GAB2: variants seen among roughly 807,000 people sequenced by gnomAD.
The protein encoded by GAB2 is GRB2-associated-binding protein 2.
A neutral mutation model predicts 65.5 loss-of-function variants in GAB2; 26 were observed. The observed-to-expected ratio is 0.40, with a 90% CI of 0.29 to 0.55. The LOEUF (loss-of-function observed/expected upper bound fraction) is 0.55, where lower values mean the gene tolerates loss of function less well. Among genes scored for constraint, GAB2 ranks in the 20% least tolerant of loss-of-function variants. GAB2 has a pLI of 0.53. For missense variants in GAB2, 884 were observed against 875.8 expected (o/e 1.01, Z -0.12); for synonymous variants, 321 against 329.6 (o/e 0.97, Z 0.28).
At chr11:78,316,330 A>G (rs1189674941) in intron 1 of GAB2, among the ~76,000 whole-genome samples, 2 of 152,178 alleles carry the variant, frequency 1.3e-5, no homozygotes, top group Admixed American at 6.5e-5. Context: ...ATATTATGAA[A>G]TATGTATAAA....
intron 1 of GAB2, among the ~76,000 whole-genome samples, chr11:78,350,257 A>G (rs1307855038): frequency 6.6e-6 from 1 of 152,226 alleles, no homozygotes; most frequent in Non-Finnish European, 1.5e-5. Flanking sequence ...ACTAGGCTCT[A>G]GCGGGTAGCT....
At chr11:78,409,789 G>A (rs765692825) in intron 1 of GAB2, among the ~76,000 whole-genome samples, 19 of 152,018 alleles carry the variant, frequency 1.2e-4, no homozygotes, top group Admixed American at 7.2e-4. Context: ...GACATTTATG[G>A]AATACTTTAC....
intron 1 of GAB2, among the ~76,000 whole-genome samples, chr11:78,358,119 A>C (rs1856384183): frequency 6.6e-6 from 1 of 152,094 alleles, no homozygotes; most frequent in Non-Finnish European, 1.5e-5. Context: ...GCAGCCATAA[A>C]AAAGGATGAG....
chr11:78,416,857 C>T (rs1029050013), intron 1 of GAB2, among the ~76,000 whole-genome samples: 4 of 151,948 alleles, frequency 2.6e-5, no homozygotes, highest in African/African-American at 7.2e-5. Flanking sequence ...GCCAGTTCCC[C>T]ACCTAGAGGG....
rs758411932 is a variant in GAB2 at position 78,417,770 on chromosome 11, T to C, written c.-50A>G. ...GGGTCGCGCGGACGAGGGCGCGGGC[T>C]CGGGCAGCTGGGGCAGCGGCCGGCG... is the stretch of plus-strand genomic sequence containing the variant. On this transcript the variant is annotated 5_prime_UTR_variant, in exon 1 of 10. Transcript: ENST00000361507. 9 of 1,035,820 alleles carry C rather than the reference T, an allele frequency of 8.7e-6. No homozygotes were observed. In the South Asian group the frequency reaches 3.2e-4, roughly 37 times the overall value. 64.2% of individuals were successfully genotyped at this position (1,035,820 alleles called of 1,614,324 possible).
chr11:78,325,937 A>G (rs1469653078), intron 1 of GAB2, among the ~76,000 whole-genome samples: 2 of 152,236 alleles, frequency 1.3e-5, no homozygotes, highest in Non-Finnish European at 2.9e-5. Context: ...TTTTAACAAT[A>G]TGGCTCAAGA....
chr11:78,224,854 C>G (rs772340776), intron 5 of GAB2, among the ~76,000 whole-genome samples: 1 of 152,090 alleles, frequency 6.6e-6, no homozygotes, highest in Non-Finnish European at 1.5e-5. Flanking sequence ...CATTCTAGAT[C>G]CTCTGCTTAC....
chr11:78,409,097 T>C (rs1256938406), intron 1 of GAB2, among the ~76,000 whole-genome samples: 1 of 152,014 alleles, frequency 6.6e-6, no homozygotes, highest in East Asian at 1.9e-4. Flanking sequence ...TGAATATCAA[T>C]AAAAGGAAAG....
rs542100466 is a variant in GAB2, at chr11:78,216,557, C to T, written c.*2715G>A. The T allele has an allele frequency of 3.9e-5, 6 of 152,220 alleles. No homozygotes were observed. Among genetic ancestry groups the T allele is most frequent in the Admixed American group, 2.6e-4 (4 of 15,298 alleles). The allele number at this position is 152,220 out of a possible 1,614,324, so 9.4% of individuals were successfully genotyped here. ...CCATCTCTACCCCTACACTTGCACC[C>T]GAGGGATTTTGGTAGTTACCAGAAT... On this transcript the variant is annotated 3_prime_UTR_variant, in exon 10 of 10. Coordinates refer to ENST00000361507, the MANE Select transcript of GAB2 (RefSeq NM_080491.3).
intron 2 of GAB2, among the ~76,000 whole-genome samples, chr11:78,260,307 T>A (rs780750802): frequency 1.3e-5 from 2 of 152,142 alleles, no homozygotes; most frequent in African/African-American, 4.8e-5. Context: ...TTAGCAGAAA[T>A]TGATTCTGTG....
intron 1 of GAB2, among the ~76,000 whole-genome samples, chr11:78,292,522 C>G (rs1866709647): frequency 6.6e-6 from 1 of 152,190 alleles, no homozygotes. Flanking sequence ...CTAGCTCAAA[C>G]AAACACAAAG....
chr11:78,281,001 T>G, intron 1 of GAB2, 100 bp from the exon 2 acceptor site: 1 of 892,920 alleles, frequency 1.1e-6, no homozygotes. Context: ...TTGCCCAGGC[T>G]GGAGTGCAGT....
At chr11:78,379,511 C>T (rs1026633326) in intron 1 of GAB2, among the ~76,000 whole-genome samples, 1 of 152,238 alleles carries the variant, frequency 6.6e-6, no homozygotes, top group African/African-American at 2.4e-5. Flanking sequence ...ACCGACAAGA[C>T]AGATTTCCTA....
chr11:78,394,298 CCAAAAAA>C (rs1173469922), intron 1 of GAB2, among the ~76,000 whole-genome samples: 3 of 151,910 alleles, frequency 2.0e-5, no homozygotes, highest in Non-Finnish European at 4.4e-5. Flanking sequence ...AAAAAAAACA[CCAAAAAA>C]CAAAAAAGAA....
intron 2 of GAB2, among the ~76,000 whole-genome samples, chr11:78,276,840 C>T (rs146195864): frequency 1.2e-4 from 18 of 151,922 alleles, no homozygotes; most frequent in African/African-American, 2.4e-4. Flanking sequence ...ATTTTTGAGA[C>T]GAAGTCTCGT....
intron 1 of GAB2, among the ~76,000 whole-genome samples, chr11:78,398,387 A>G (rs1856929378): frequency 6.6e-6 from 1 of 152,244 alleles, no homozygotes; most frequent in Admixed American, 6.5e-5. Flanking sequence ...AACTGGGGGA[A>G]TGTGCACACA....
chr11:78,329,214 A>G (rs1221256039), intron 1 of GAB2, among the ~76,000 whole-genome samples: 2 of 152,210 alleles, frequency 1.3e-5, no homozygotes, highest in Non-Finnish European at 2.9e-5. Flanking sequence ...AGCAAAAATG[A>G]AGAACATTTT....
intron 3 of GAB2, among the ~76,000 whole-genome samples, chr11:78,236,501 T>G (rs115165821): frequency 0.019 from 2,882 of 152,290 alleles, 104 homozygotes; most frequent in African/African-American, 0.067. Context: ...TCCAGTACAA[T>G]GTTAAATAGA....
At chr11:78,314,926 G>A (rs533796071) in intron 1 of GAB2, among the ~76,000 whole-genome samples, 9 of 152,328 alleles carry the variant, frequency 5.9e-5, no homozygotes, top group Admixed American at 2.0e-4. Context: ...TAAAATGAAC[G>A]TGGTCTGTAA....
Sources: gnomAD v4.1 joint callset for allele counts (sites outside exome capture counted in the v4.1 genomes callset) on GRCh38, gnomAD v4.1.1 for gene constraint, MANE v1.5 for transcripts, NCBI Gene and HGNC (gene_info 2026-07-23, HGNC 2026-07-21) for gene names.